Variants in FOCAD observed in about 807,000 individuals in gnomAD.
The protein encoded by FOCAD is focadhesin.
In FOCAD, 198 loss-of-function variants were observed where a neutral mutation model predicts 225.6. The observed-to-expected ratio is 0.88, with a 90% confidence interval of 0.78 to 0.99. The LOEUF (loss-of-function observed/expected upper bound fraction) is 0.99. FOCAD is among the 50% of genes least tolerant of loss of function. The pLI, the probability that FOCAD is intolerant of heterozygous loss-of-function variation, is 0.00. For missense variants in FOCAD, 2,713 were observed against 2,123.6 expected (o/e 1.28, Z -5.46); for synonymous variants, 897 against 755.0 (o/e 1.19, Z -3.08).
chr9:20,672,375 C>T (rs113166263), intron 2 of FOCAD, among the ~76,000 whole-genome samples: 3 of 152,064 alleles, frequency 2.0e-5, no homozygotes, highest in Non-Finnish European at 2.9e-5. Flanking sequence ...AAATATCAAG[C>T]CCTATGGCCT....
At chr9:20,957,671 C>G (rs1587717822) in intron 35 of FOCAD, 1 of 51,392 alleles carries the variant, frequency 1.9e-5, no homozygotes, top group African/African-American at 7.7e-5. Flanking sequence ...ATATCTCTCT[C>G]TCTTTTTTTT....
intron 35 of FOCAD, among the ~76,000 whole-genome samples, chr9:20,963,007 T>A (rs1838900376): frequency 6.6e-6 from 1 of 152,186 alleles, no homozygotes; most frequent in African/African-American, 2.4e-5. Flanking sequence ...GGACTCCCTC[T>A]CTTTCTTTCC....
In FOCAD at chr9:20,770,050, A is replaced by T. The variant is rs1222818120; in HGVS notation, c.718A>T (p.Thr240Ser). ...TAAACAGGTAAAAGATTTGATACAG[A>T]CAACAGAGGCGATGATGTTTATTGA... ...PCLQVKDLIQ[T>S]TEAMMFIEEV... The change falls in exon 8 of 44, where the codon ACA becomes TCA. Residue 240 changes from threonine (T) to serine (S), a missense_variant. Thr to Ser is a moderately conservative substitution (Grantham distance 58). Transcript: ENST00000338382. 1 of 1,614,010 alleles carries T rather than the reference A, an allele frequency of 6.2e-7. No individual in the cohort carries two copies. Among genetic ancestry groups the T allele is most frequent in the East Asian group, 2.2e-5 (1 of 44,872 alleles).
At chr9:20,916,463 A>T (rs186389002) in intron 23 of FOCAD, among the ~76,000 whole-genome samples, 3 of 152,200 alleles carry the variant, frequency 2.0e-5, no homozygotes, top group African/African-American at 7.2e-5. Flanking sequence ...GCTCTCATGT[A>T]AAAAAGAGAG....
chr9:20,681,506 G>C (rs377358371), upstream of FOCAD, among the ~76,000 whole-genome samples: 1 of 152,280 alleles, frequency 6.6e-6, no homozygotes, highest in East Asian at 1.9e-4. Flanking sequence ...TTAATACATT[G>C]TCCATATTTT....
chr9:20,846,692 T>A (rs1377947075), intron 15 of FOCAD, among the ~76,000 whole-genome samples: 1 of 152,060 alleles, frequency 6.6e-6, no homozygotes, highest in East Asian at 1.9e-4. Flanking sequence ...GTGATTGCCA[T>A]GTAAGTTTAA....
At chr9:20,871,678 T>C (rs1291599591) in intron 18 of FOCAD, among the ~76,000 whole-genome samples, 2 of 140,782 alleles carry the variant, frequency 1.4e-5, no homozygotes, top group Non-Finnish European at 3.0e-5. Context: ...AAACACCGCA[T>C]GTTCTCACTC....
intron 21 of FOCAD, among the ~76,000 whole-genome samples, chr9:20,892,077 T>C (rs966418227): frequency 6.6e-6 from 1 of 152,172 alleles, no homozygotes; most frequent in Non-Finnish European, 1.5e-5. Flanking sequence ...TGTTTATACA[T>C]GGTTTACTGA....
chr9:20,914,239 T>C, intron 23 of FOCAD, among the ~76,000 whole-genome samples: 1 of 152,168 alleles, frequency 6.6e-6, no homozygotes, highest in East Asian at 1.9e-4. Flanking sequence ...TTTCAAAAAG[T>C]ATTTATTGAG....
At chr9:20,819,774 A>G (rs1824119074) in intron 11 of FOCAD, 22 bp from the exon 12 acceptor site, 2 of 1,356,688 alleles carry the variant, frequency 1.5e-6, no homozygotes, top group Non-Finnish European at 1.0e-6. Flanking sequence ...CATATTTAAT[A>G]TATTTTAAAA....
At chr9:20,892,627 A>G (rs983317153) in intron 21 of FOCAD, among the ~76,000 whole-genome samples, 1 of 152,112 alleles carries the variant, frequency 6.6e-6, no homozygotes, top group Non-Finnish European at 1.5e-5. Context: ...AGGGATGAAC[A>G]GAGTGGTTTC....
intron 35 of FOCAD, among the ~76,000 whole-genome samples, chr9:20,967,885 G>A (rs748065534): frequency 2.3e-4 from 35 of 151,924 alleles, no homozygotes; most frequent in Non-Finnish European, 4.0e-4. Context: ...CTAGTGTTGA[G>A]AATTTTTGCA....
intron 1 of FOCAD, among the ~76,000 whole-genome samples, chr9:20,692,104 T>G (rs1357212225): frequency 6.6e-6 from 1 of 152,188 alleles, no homozygotes; most frequent in Non-Finnish European, 1.5e-5. Flanking sequence ...ATTTATATTT[T>G]CAGCCTCGCC....
chr9:20,925,316 G>T (rs960714291), intron 25 of FOCAD, among the ~76,000 whole-genome samples: 3 of 152,002 alleles, frequency 2.0e-5, no homozygotes, highest in Non-Finnish European at 4.4e-5. Context: ...TGTTATTTTT[G>T]TTGAACTACC....
At chr9:20,687,162 C>G (rs1438430642) in intron 1 of FOCAD, among the ~76,000 whole-genome samples, 3 of 152,052 alleles carry the variant, frequency 2.0e-5, no homozygotes, top group African/African-American at 7.2e-5. Flanking sequence ...TATAGCTTTC[C>G]ATTGTTCATG....
intron 19 of FOCAD, 181 bp downstream of exon 19, chr9:20,874,988 T>C (rs529527688): frequency 5.5e-6 from 4 of 721,868 alleles, no homozygotes; most frequent in Non-Finnish European, 9.0e-6. Flanking sequence ...GTTTAAATCA[T>C]ACGAAAAAAC....
intron 39 of FOCAD, 33 bp downstream of exon 39, chr9:20,982,479 T>A: frequency 6.5e-7 from 1 of 1,534,928 alleles, no homozygotes; most frequent in Non-Finnish European, 9.0e-7. Flanking sequence ...CTTTTTTCAT[T>A]ATTGAGCCAG....
chr9:20,941,138 C>A (rs1051440941), intron 28 of FOCAD, among the ~76,000 whole-genome samples: 1 of 152,106 alleles, frequency 6.6e-6, no homozygotes, highest in Non-Finnish European at 1.5e-5. Flanking sequence ...GGAGTGTACT[C>A]CCTCAAATGA....
chr9:20,664,825 G>C (rs541750324), intron 2 of FOCAD, among the ~76,000 whole-genome samples: 1 of 151,962 alleles, frequency 6.6e-6, no homozygotes, highest in East Asian at 1.9e-4. Flanking sequence ...GTTTATACAT[G>C]TGTCAAAGCT....
Sources: allele counts gnomAD v4.1 joint callset (sites outside exome capture counted in the v4.1 genomes callset), GRCh38; gene constraint gnomAD v4.1.1; transcripts MANE v1.5; gene names NCBI Gene and HGNC (gene_info 2026-07-23, HGNC 2026-07-21).